The following GYG1 variants were observed in gnomAD, a reference collection of about 807,000 sequenced individuals.
GYG1 encodes the protein glycogenin-1.
Under a neutral mutation model 41.9 loss-of-function variants are expected in GYG1, and 44 were observed. The observed-to-expected ratio is 1.05, with a 90% CI of 0.83 to 1.35. The LOEUF (loss-of-function observed/expected upper bound fraction) is 1.35. Ranked by LOEUF, GYG1 falls within the 40% of genes most tolerant of loss-of-function variation. The probability of loss-of-function intolerance (pLI) is 0.00; values close to 1 mark genes in which losing one functional copy is unlikely to be tolerated. For missense variants in GYG1, 429 were observed against 418.9 expected (o/e 1.02, Z -0.21); for synonymous variants, 141 against 158.1 (o/e 0.89, Z 0.81).
At chr3:149,019,506 C>T (rs1285025695) in intron 5 of GYG1, among the ~76,000 whole-genome samples, 1 of 152,176 alleles carries the variant, frequency 6.6e-6, no homozygotes, top group Admixed American at 6.5e-5. Flanking sequence ...ACATTTAGGA[C>T]CCCTTAAGAT....
chr3:149,017,582 G>GTTTTTTTTTTTTTTTT (rs58075146), intron 5 of GYG1, among the ~76,000 whole-genome samples: 3 of 47,382 alleles, frequency 6.3e-5, no homozygotes, highest in African/African-American at 1.1e-4. Context: ...TTTTATTTAG[G>GTTTTTTTTTTTTTTTT]TTTTTTTTTT....
rs1351743988 is a variant in GYG1 at position 149,030,140 on chromosome 3, T to C, written c.*3207T>C. The C allele has an allele frequency of 6.6e-6, 1 of 152,222 alleles. No individual in the cohort carries two copies. Among genetic ancestry groups the C allele is most frequent in the Non-Finnish European group, 1.5e-5 (1 of 68,036 alleles). 9.4% of individuals were successfully genotyped at this position (152,222 alleles called of 1,614,324 possible). ...AGGAAGGTAATAAACATTTGAAATT[T>C]TTATTGATTTTTAAATTTAAAATCC... On this transcript the variant is annotated 3_prime_UTR_variant, in exon 8 of 8. Coordinates refer to ENST00000345003, the MANE Select transcript of GYG1 (RefSeq NM_004130.4).
At chr3:149,021,762 CTT>C (rs200033024) in intron 5 of GYG1, among the ~76,000 whole-genome samples, 3,072 of 145,582 alleles carry the variant, frequency 0.021, 69 homozygotes, top group Middle Eastern at 0.062. Context: ...CAGTTCCTAA[CTT>C]TTTTTTTTTT....
At chr3:148,996,568 C>T (rs768803913) in intron 3 of GYG1, 92 bp downstream of exon 3, 172 of 1,282,562 alleles carry the variant, frequency 1.3e-4, no homozygotes, top group Non-Finnish European at 1.8e-4. Context: ...CAAGACTTGA[C>T]GGTAAAGTTC....
At chr3:148,992,085 C>T (rs1453460240) in intron 1 of GYG1, among the ~76,000 whole-genome samples, 2 of 152,068 alleles carry the variant, frequency 1.3e-5, no homozygotes, top group Non-Finnish European at 2.9e-5. Flanking sequence ...GGCTCCGAGG[C>T]GGGGATACTG....
At chr3:149,006,080 CTTTTTTT>C (rs34268321) in intron 4 of GYG1, among the ~76,000 whole-genome samples, 3 of 117,224 alleles carry the variant, frequency 2.6e-5, no homozygotes, top group Non-Finnish European at 5.1e-5. Context: ...TCATCATATT[CTTTTTTT>C]TTTTTTTTTT....
chr3:149,010,864 C>T (rs374917475), intron 5 of GYG1, among the ~76,000 whole-genome samples: 4 of 152,136 alleles, frequency 2.6e-5, no homozygotes, highest in Non-Finnish European at 4.4e-5. Context: ...CCTGAGTTAG[C>T]GGAAAACAAA....
At chr3:149,013,905 A>G (rs1447023768) in intron 5 of GYG1, among the ~76,000 whole-genome samples, 2 of 152,194 alleles carry the variant, frequency 1.3e-5, no homozygotes, top group African/African-American at 4.8e-5. Flanking sequence ...TGACTCAGAA[A>G]GAGTTTGGGT....
chr3:149,002,630 G>T (rs974607516), intron 4 of GYG1, among the ~76,000 whole-genome samples: 1 of 152,140 alleles, frequency 6.6e-6, no homozygotes, highest in Non-Finnish European at 1.5e-5. Context: ...ATATCCCCAA[G>T]AGCTGGGCTT....
intron 4 of GYG1, among the ~76,000 whole-genome samples, chr3:149,007,504 G>A (rs539418368): frequency 2.6e-5 from 4 of 152,180 alleles, no homozygotes; most frequent in Admixed American, 6.5e-5. Flanking sequence ...TCTTAGAGTT[G>A]ATTGAAGGTA....
At chr3:149,026,098 G>A (rs117524456) in intron 6 of GYG1, among the ~76,000 whole-genome samples, 219 of 152,234 alleles carry the variant, frequency 1.4e-3, no homozygotes, top group African/African-American at 4.5e-3. Context: ...ATATGCTTAC[G>A]TATATACGTA....
chr3:149,023,239 T>C (rs940935583), intron 5 of GYG1, among the ~76,000 whole-genome samples: 20 of 152,190 alleles, frequency 1.3e-4, no homozygotes, highest in African/African-American at 4.8e-4. Flanking sequence ...CTGCTCATAT[T>C]GCATTAGTCA....
chr3:149,024,825 C>G (rs1714565519), intron 6 of GYG1, among the ~76,000 whole-genome samples: 1 of 152,084 alleles, frequency 6.6e-6, no homozygotes, highest in African/African-American at 2.4e-5. Flanking sequence ...TTATAACAAC[C>G]CTCTTTAGCA....
rs938753170 is a variant in GYG1, at chr3:148,994,216, C to T, written c.82C>T (p.Gln28Ter). The change falls in exon 2 of 8, where the codon CAG (glutamine) becomes TAG (stop). Residue 28 changes from glutamine to a stop codon, truncating the protein, a stop_gained. Transcript: ENST00000345003. LOFTEE classifies it high-confidence loss of function. ...CCTGGTCCTGGGATCATCTCTGAAA[C>T]AGCACAGGACCACCAGGAGGCTGGT... Reference protein sequence around the residue: ...GALVLGSSLKQHRTTRRLVVL... With the variant: ...GALVLGSSLK The T allele has an allele frequency of 1.2e-6, 2 of 1,613,716 alleles. No homozygotes were observed. The highest frequency in any genetic ancestry group is 1.3e-5 in the African/African-American group (1 of 74,850).
At chr3:148,996,062 T>A (rs1367602164) in intron 2 of GYG1, among the ~76,000 whole-genome samples, 1 of 152,250 alleles carries the variant, frequency 6.6e-6, no homozygotes, top group Non-Finnish European at 1.5e-5. Flanking sequence ...CGTTTTAAGA[T>A]GAGCATTTCA....
chr3:149,017,559 ATTTATTTATTTCT>A, intron 5 of GYG1, among the ~76,000 whole-genome samples: 1 of 39,368 alleles, frequency 2.5e-5, no homozygotes, highest in South Asian at 8.8e-4. Context: ...TTTTGCTTTT[ATTTATTTATTTCT>A]TTTATTTAGG....
In GYG1 at chr3:148,991,905, G is replaced by A. The variant is rs747883926; in HGVS notation, c.7+258G>A. 3.9e-4 allele frequency among the ~76,000 whole-genome samples: 60 copies of A among 152,314 alleles called. 1 individual carries two copies. The highest frequency in any genetic ancestry group is 1.4e-3 in the African/African-American group (60 of 41,588). ...CTCTCGTTCCTGCTTCCGTCTCCTC[G>A]TCCTTCCTCTTGCTCTCACGGCGAA... On this transcript the variant is annotated intron_variant, in intron 1 of 7. Coordinates refer to ENST00000345003, the MANE Select transcript of GYG1 (RefSeq NM_004130.4).
In GYG1 at chr3:149,028,705, AT is replaced by A. The variant is rs71617496; in HGVS notation, c.*1795del. ...GGTGGAAAAGCTGACATAGTTTTAAATTTTTTTTTTTTTTTTTTTTTTTCTT... is the reference window on the plus strand; with the variant it reads ...GGTGGAAAAGCTGACATAGTTTTAAATTTTTTTTTTTTTTTTTTTTTTCTT... On this transcript the variant is annotated 3_prime_UTR_variant, in exon 8 of 8. Transcript: ENST00000345003. Among the ~76,000 whole-genome samples the A allele has an allele frequency of 4.5e-3, 605 of 133,732 alleles. 4 individuals are homozygous for A. Among genetic ancestry groups the A allele is most frequent in the African/African-American group, 0.013 (452 of 34,954 alleles). The allele number at this position is 133,732 out of a possible 152,430, so 87.7% of individuals were successfully genotyped here.
chr3:148,999,258 T>C (rs778872417), intron 4 of GYG1, among the ~76,000 whole-genome samples: 1 of 152,228 alleles, frequency 6.6e-6, no homozygotes, highest in Non-Finnish European at 1.5e-5. Flanking sequence ...CATTTCATTA[T>C]TCAGCAGCAG....
Sources: gnomAD v4.1 joint callset for allele counts (sites outside exome capture counted in the v4.1 genomes callset) on GRCh38, gnomAD v4.1.1 for gene constraint, MANE v1.5 for transcripts, NCBI Gene and HGNC (gene_info 2026-07-23, HGNC 2026-07-21) for gene names.